FKBP1B: variants seen among roughly 807,000 people sequenced by gnomAD.
FKBP1B encodes the protein FKBP prolyl isomerase 1B.
In FKBP1B, 4 loss-of-function variants were observed where a neutral mutation model predicts 13.5. That is an observed-to-expected ratio of 0.30 (90% CI 0.15 to 0.68). The LOEUF (loss-of-function observed/expected upper bound fraction) is 0.68. Among genes scored for constraint, FKBP1B ranks in the 30% least tolerant of loss-of-function variants. FKBP1B has a pLI of 0.76. For synonymous variants in FKBP1B, 54 were observed against 53.6 expected (o/e 1.01, Z -0.03); for missense variants, 93 against 136.2 (o/e 0.68, Z 1.58).
At chr2:24,049,109 G>C (rs1663730529), upstream of FKBP1B, among the ~76,000 whole-genome samples, 1 of 152,132 alleles carries the variant, frequency 6.6e-6, no homozygotes, top group Admixed American at 6.6e-5. Flanking sequence ...CTTCCGCAAC[G>C]CTCTGAACTG....
At chr2:24,051,012 C>A (rs1476673462) in intron 1 of FKBP1B, among the ~76,000 whole-genome samples, 1 of 152,242 alleles carries the variant, frequency 6.6e-6, no homozygotes, top group Admixed American at 6.5e-5. Context: ...CGTCCCCAAT[C>A]TCATATTCAC....
At chr2:24,043,753 G>A in the FKBP1B span, among the ~76,000 whole-genome samples, 2 of 152,228 alleles carry the variant, frequency 1.3e-5, no homozygotes, top group African/African-American at 4.8e-5. Context: ...AGTGTCAAAG[G>A]CAGAACTTGA....
At chr2:24,039,054 G>C in the FKBP1B span, 1 of 1,613,994 alleles carries the variant, frequency 6.2e-7, no homozygotes, top group Admixed American at 1.7e-5. Flanking sequence ...CCTTTACCTG[G>C]GAATCATCAG....
At chr2:24,061,530 A>G (rs1224697182) in intron 3 of FKBP1B, among the ~76,000 whole-genome samples, 8 of 152,212 alleles carry the variant, frequency 5.3e-5, no homozygotes, top group Non-Finnish European at 1.2e-4. Flanking sequence ...GTTGGGGTGG[A>G]GTAGGCCAAG....
upstream of FKBP1B, chr2:24,045,854 A>T (rs1663607239): frequency 6.6e-6 from 1 of 152,172 alleles, no homozygotes; most frequent in Non-Finnish European, 1.5e-5. Flanking sequence ...TTGGCAGCAC[A>T]TATACTAAGA....
the FKBP1B span, among the ~76,000 whole-genome samples, chr2:24,041,858 C>CAAAAAAAAAAAAAAAAAA: frequency 2.1e-5 from 2 of 93,228 alleles, no homozygotes; most frequent in Non-Finnish European, 4.2e-5. Context: ...AACTCTGTCT[C>CAAAAAAAAAAAAAAAAAA]AAAAAAAAAA....
At chr2:24,041,129 A>G in the FKBP1B span, among the ~76,000 whole-genome samples, 2 of 152,068 alleles carry the variant, frequency 1.3e-5, no homozygotes, top group Admixed American at 1.3e-4. Context: ...ACCTGAGGTC[A>G]GGAGTTTGAG....
Position 24,050,036 on chromosome 2 carries a change from G to T in FKBP1B, c.37+150G>T. 1 of 525,342 alleles carries T rather than the reference G, an allele frequency of 1.9e-6. No individual in the cohort carries two copies. Among genetic ancestry groups the T allele is most frequent in the Non-Finnish European group, 3.0e-6 (1 of 335,588 alleles). The allele number at this position is 525,342 out of a possible 1,614,324, so 32.5% of individuals were successfully genotyped here. A position where few individuals can be genotyped will look rare whatever the true frequency, so the allele number is the denominator to read the frequency against. On this transcript the variant is annotated intron_variant, in intron 1 of 3. Coordinates refer to ENST00000380986, the MANE Select transcript of FKBP1B (RefSeq NM_004116.5). The surrounding 1 kb of genome is among the most constrained non-coding windows in gnomAD (Gnocchi z 5.8). ...GGCGGAGACGCCGGACGGGATTCTT[G>T]GGGGTCTAGGAGACCATCCTCCGCC... is the stretch of plus-strand genomic sequence containing the variant.
In FKBP1B at chr2:24,063,227, T is replaced by A. The variant is rs749653058; in HGVS notation, c.*35T>A. On this transcript the variant is annotated 3_prime_UTR_variant, in exon 4 of 4. Coordinates refer to ENST00000380986, the MANE Select transcript of FKBP1B (RefSeq NM_004116.5). ...GGAACTCAAGGTGGCTGGAGATGGCTGCTGCTCACCCTCCTAGCCTGCTCT... is the reference window on the plus strand; with the variant it reads ...GGAACTCAAGGTGGCTGGAGATGGCAGCTGCTCACCCTCCTAGCCTGCTCT... The A allele has an allele frequency of 6.4e-7, 1 of 1,551,848 alleles. No homozygotes were observed. Among genetic ancestry groups the A allele is most frequent in the Admixed American group, 1.9e-5 (1 of 52,854 alleles).
the FKBP1B span, among the ~76,000 whole-genome samples, chr2:24,036,105 T>TAAATAAAA: frequency 2.5e-4 from 37 of 145,824 alleles, no homozygotes; most frequent in African/African-American, 6.5e-4. Context: ...AATAAATAAA[T>TAAATAAAA]AAAATAAAAT....
At chr2:24,048,281 C>T (rs1427963439), upstream of FKBP1B, among the ~76,000 whole-genome samples, 1 of 151,792 alleles carries the variant, frequency 6.6e-6, no homozygotes, top group Non-Finnish European at 1.5e-5. Flanking sequence ...ACCAGCCTGG[C>T]CAACATGGTG....
At chr2:24,039,622 G>T in the FKBP1B span, 1 of 881,860 alleles carries the variant, frequency 1.1e-6, no homozygotes, top group Non-Finnish European at 1.7e-6. Context: ...ATAATGTGGA[G>T]AGACAAAAGG....
At chr2:24,062,152 C>T (rs920135469) in intron 3 of FKBP1B, among the ~76,000 whole-genome samples, 1 of 151,736 alleles carries the variant, frequency 6.6e-6, no homozygotes, top group African/African-American at 2.4e-5. Context: ...AGCCACCGTG[C>T]CCGGCCTGTT....
At chr2:24,059,241 A>G (rs1044513169) in intron 2 of FKBP1B, among the ~76,000 whole-genome samples, 1 of 150,644 alleles carries the variant, frequency 6.6e-6, no homozygotes, top group Non-Finnish European at 1.5e-5. Context: ...CTGATCTTTG[A>G]GTCAGAGTCA....
chr2:24,045,391 C>G (rs2150955635), upstream of FKBP1B, among the ~76,000 whole-genome samples: 1 of 151,958 alleles, frequency 6.6e-6, no homozygotes, highest in Admixed American at 6.6e-5. Context: ...CATCTGAGGT[C>G]AGGAGTTCGA....
At chr2:24,048,648 G>A (rs1229283361), upstream of FKBP1B, among the ~76,000 whole-genome samples, 3 of 151,782 alleles carry the variant, frequency 2.0e-5, no homozygotes, top group Admixed American at 2.0e-4. Flanking sequence ...TCAATTTTTG[G>A]AACAATGCAG....
chr2:24,044,817 TAAA>T (rs747340836), upstream of FKBP1B, among the ~76,000 whole-genome samples: 1 of 103,924 alleles, frequency 9.6e-6, no homozygotes, highest in East Asian at 2.6e-4. Context: ...GAATTATCTT[TAAA>T]AAAAAAAAAA....
At chr2:24,043,029 G>A in the FKBP1B span, among the ~76,000 whole-genome samples, 8 of 76,548 alleles carry the variant, frequency 1.0e-4, no homozygotes, top group South Asian at 8.2e-4. Flanking sequence ...GTGAAACTCC[G>A]TCTCAAAAAA....
chr2:24,039,066 G>C, the FKBP1B span: 4 of 1,614,068 alleles, frequency 2.5e-6, no homozygotes, highest in Non-Finnish European at 3.4e-6. Context: ...AATCATCAGA[G>C]TGAACATTAG....
Sources: allele counts gnomAD v4.1 joint callset (sites outside exome capture counted in the v4.1 genomes callset), GRCh38; gene constraint gnomAD v4.1.1; non-coding constraint Gnocchi (gnomAD v3.1); transcripts MANE v1.5; gene names NCBI Gene and HGNC (gene_info 2026-07-23, HGNC 2026-07-21).